Variants in TMUB2 observed in about 807,000 individuals in gnomAD.
TMUB2 encodes the protein transmembrane and ubiquitin like domain containing 2.
A neutral mutation model predicts 20.2 loss-of-function variants in TMUB2; 19 were observed. That is an observed-to-expected ratio of 0.94 (90% CI 0.66 to 1.38). The LOEUF (loss-of-function observed/expected upper bound fraction) is 1.38, where lower values mean the gene tolerates loss of function less well. TMUB2 is among the 40% of genes most tolerant of loss of function. TMUB2 has a pLI of 0.00. For missense variants in TMUB2, 426 were observed against 402.5 expected (o/e 1.06, Z -0.50); for synonymous variants, 186 against 166.0 (o/e 1.12, Z -0.92).
chr17:44,188,105 G>A, intron 2 of TMUB2: 1 of 232,616 alleles, frequency 4.3e-6, no homozygotes. Context: ...TGTGAAAGCA[G>A]CAGATTCTCC....
At position 44,191,490 on chromosome 17, in the gene TMUB2, CTCAG is replaced by C. The variant is rs2144420239; in HGVS notation, c.*631_*634del. Reference sequence around the variant, plus strand: ...ATTTTTTTAAGAGTCCTTCATAGAGCTCAGTCAGGAAGGGGATGGGGCACCAAGC... The same window carrying C: ...ATTTTTTTAAGAGTCCTTCATAGAGCTCAGGAAGGGGATGGGGCACCAAGC... On this transcript the variant is annotated 3_prime_UTR_variant, in exon 4 of 4. Coordinates refer to ENST00000538716, the MANE Select transcript of TMUB2 (RefSeq NM_001076674.3). 1 of 985,968 alleles carries C rather than the reference CTCAG, an allele frequency of 1.0e-6. No individual in the cohort carries two copies. The highest frequency in any genetic ancestry group is 6.1e-5 in the Admixed American group (1 of 16,302). The allele number at this position is 985,968 out of a possible 1,614,324, so 61.1% of individuals were successfully genotyped here.
chr17:44,187,546 T>C, intron 1 of TMUB2, 130 bp from the exon 2 acceptor site: 1 of 635,442 alleles, frequency 1.6e-6, no homozygotes. Context: ...TGCCAATCGT[T>C]TTCGTCTTTC....
Position 44,191,875 on chromosome 17 carries a change from G to A in TMUB2, c.*1011G>A, listed in dbSNP as rs2055657687. ...AGAGGGAATACACAGCGTTTACAAA[G>A]TTAGCTACCTGTACAGAATGGATTA... is the stretch of plus-strand genomic sequence containing the variant. On this transcript the variant is annotated 3_prime_UTR_variant, in exon 4 of 4. Transcript: ENST00000538716. 6.0e-6 allele frequency: 2 copies of A among 331,552 alleles called. No homozygotes were observed. The highest frequency in any genetic ancestry group is 1.2e-4 in the South Asian group (1 of 8,318). 20.5% of individuals were successfully genotyped at this position (331,552 alleles called of 1,614,324 possible).
chr17:44,187,603 C>T (rs1403315404), intron 1 of TMUB2, 73 bp from the exon 2 acceptor site: 3 of 704,908 alleles, frequency 4.3e-6, no homozygotes, highest in South Asian at 1.5e-5. Flanking sequence ...TAACATTAAC[C>T]TTCTTACCAT....
At chr17:44,190,243 C>G (rs530043734) in intron 3 of TMUB2, 1 of 365,360 alleles carries the variant, frequency 2.7e-6, no homozygotes, top group Non-Finnish European at 4.9e-6. Context: ...CCCAGCTACT[C>G]GGGAGGGTGA....
chr17:44,189,054 T>G lies in TMUB2; in HGVS notation c.68T>G (p.Leu23Arg), dbSNP rs757882080. ...VDPASSQAME[L>R]SDVTLIEGVG... ...CCTGCCAGCAGCCAGGCCATGGAGC[T>G]CTCTGATGTCACCCTCATTGAGGGT... Residue 23 changes from leucine to arginine, a missense_variant, in exon 3 of 4, where the codon CTC (leucine) becomes CGC (arginine). Coordinates refer to ENST00000538716, the MANE Select transcript of TMUB2 (RefSeq NM_001076674.3). 6.2e-7 allele frequency: 1 copy of G among 1,613,884 alleles called. No individual in the cohort carries two copies. Among genetic ancestry groups the G allele is most frequent in the Non-Finnish European group, 8.5e-7 (1 of 1,179,954 alleles).
In TMUB2 at chr17:44,191,410, A is replaced by C; in HGVS notation, c.*546A>C. On this transcript the variant is annotated 3_prime_UTR_variant, in exon 4 of 4. Coordinates refer to ENST00000538716, the MANE Select transcript of TMUB2 (RefSeq NM_001076674.3). ...CCTTCACCTTCTTCCTCTACCCCTT[A>C]GCAGGAATAGGGTGTCCTCCCTTCT... 1 of 986,888 alleles carries C rather than the reference A, an allele frequency of 1.0e-6. No homozygotes were observed. The highest frequency in any genetic ancestry group is 1.2e-6 in the Non-Finnish European group (1 of 830,648). 61.1% of individuals were successfully genotyped at this position (986,888 alleles called of 1,614,324 possible).
At position 44,190,981 on chromosome 17, in the gene TMUB2, TCTC is replaced by T. The variant is rs144005882; in HGVS notation, c.*122_*124del. ...AGGGGTGGAAAGGATGTGATGGAAATCTCCTCCATAGGACACAGGAGGCAAGTA... is the reference window on the plus strand; with the variant it reads ...AGGGGTGGAAAGGATGTGATGGAAATCTCCATAGGACACAGGAGGCAAGTA... On this transcript the variant is annotated 3_prime_UTR_variant, in exon 4 of 4. Coordinates refer to ENST00000538716, the MANE Select transcript of TMUB2 (RefSeq NM_001076674.3). 0.022 allele frequency: 33,162 copies of T among 1,502,236 alleles called. 429 individuals are homozygous for T. The highest frequency in any genetic ancestry group is 0.033 in the Middle Eastern group (137 of 4,098). 93.1% of individuals were successfully genotyped at this position (1,502,236 alleles called of 1,614,324 possible).
At position 44,189,601 on chromosome 17, in the gene TMUB2, GGAAGT is replaced by G. The variant is rs2055064002; in HGVS notation, c.602+15_602+19del. On this transcript the variant is annotated intron_variant, in intron 3 of 3. Coordinates refer to ENST00000538716, the MANE Select transcript of TMUB2 (RefSeq NM_001076674.3). ...GTGCCCTGAAGAGGTGAGTGGCCTGGGAAGTGGGAAGCTGCTTGTGCTCATCCCCC... is the reference window on the plus strand; with the variant it reads ...GTGCCCTGAAGAGGTGAGTGGCCTGGGGGAAGCTGCTTGTGCTCATCCCCC... The G allele has an allele frequency of 6.5e-7, 1 of 1,547,800 alleles. No homozygotes were observed. Among genetic ancestry groups the G allele is most frequent in the Admixed American group, 1.9e-5 (1 of 51,638 alleles).
rs367649898 is a variant in TMUB2, at chr17:44,187,255, A to T, written c.-34+146A>T. On this transcript the variant is annotated intron_variant, in intron 1 of 3. Transcript: ENST00000538716. The stretch of plus-strand genomic sequence containing the variant: ...GGACGGTTTGTGACCCCCTTAGCCG[A>T]CCCTACTCCTCACTGGCCGGGACAA... 323 of 166,760 alleles carry T rather than the reference A, an allele frequency of 1.9e-3. 1 individual carries two copies. Among genetic ancestry groups the T allele is most frequent in the African/African-American group, 7.5e-3 (312 of 41,664 alleles). The allele number at this position is 166,760 out of a possible 1,614,324, so 10.3% of individuals were successfully genotyped here. A position where few individuals can be genotyped will look rare whatever the true frequency, so the allele number is the denominator to read the frequency against.
Position 44,187,517 on chromosome 17 carries a change from C to T in TMUB2, c.-33-159C>T, listed in dbSNP as rs2054622140. ...TGGGGTCCTGCCGGGCCCCTCCCCA[C>T]GAGAGTTCCCTGTGTCTGTGCCAAT... On this transcript the variant is annotated intron_variant, in intron 1 of 3. Coordinates refer to ENST00000538716, the MANE Select transcript of TMUB2 (RefSeq NM_001076674.3). 1.2e-5 allele frequency: 7 copies of T among 608,162 alleles called. No homozygotes were observed. In the Admixed American group the frequency reaches 1.6e-4, roughly 14 times the overall value. The allele number at this position is 608,162 out of a possible 1,614,324, so 37.7% of individuals were successfully genotyped here. A position where few individuals can be genotyped will look rare whatever the true frequency, so the allele number is the denominator to read the frequency against.
chr17:44,191,112 C>T lies in TMUB2; in HGVS notation c.*248C>T. The T allele has an allele frequency of 8.0e-7, 1 of 1,242,742 alleles. No homozygotes were observed. The highest frequency in any genetic ancestry group is 2.0e-5 in the South Asian group (1 of 50,800). The allele number at this position is 1,242,742 out of a possible 1,614,324, so 77.0% of individuals were successfully genotyped here. ...CATCTTCCTTCACTTTTAGGGTCCTCTGAAGGAGTTCAAAGCTGCTGGCCA... is the reference window on the plus strand; with the variant it reads ...CATCTTCCTTCACTTTTAGGGTCCTTTGAAGGAGTTCAAAGCTGCTGGCCA... On this transcript the variant is annotated 3_prime_UTR_variant, in exon 4 of 4. Coordinates refer to ENST00000538716, the MANE Select transcript of TMUB2 (RefSeq NM_001076674.3).
chr17:44,190,639 A>T lies in TMUB2; in HGVS notation c.741A>T (p.Ser247=), dbSNP rs58236343. ...ACTGCCACCGCTCACCCCCAGGGTC[A>T]GCTGTTCCAGGCCCCTCAGCCTCCT... ...VIHCHRSPPG[S]AVPGPSASLA... Residue 247 remains serine, a synonymous_variant, in exon 4 of 4, where the codon TCA becomes TCT. Transcript: ENST00000538716. The T allele has an allele frequency of 3.6e-3, 5,844 of 1,614,190 alleles. 196 individuals are homozygous for T. In the African/African-American group the frequency reaches 0.069, roughly 19 times the overall value.
intron 1 of TMUB2, 69 bp downstream of exon 1, chr17:44,187,178 C>T (rs984180024): frequency 6.4e-6 from 1 of 156,558 alleles, no homozygotes; most frequent in Non-Finnish European, 1.4e-5. Flanking sequence ...CTCCTCGCGT[C>T]CTGAAGCCCC....
Position 44,190,916 on chromosome 17 carries a change from A to T in TMUB2, c.*52A>T. The T allele has an allele frequency of 6.5e-7, 1 of 1,540,114 alleles. No homozygotes were observed. Among genetic ancestry groups the T allele is most frequent in the Non-Finnish European group, 8.7e-7 (1 of 1,145,618 alleles). Reference sequence around the variant, plus strand: ...GGTCTTTCTCCTTTACGGCCTCCCCACTTTTCCTGGCCAGAGCTGGGCCCA... The same window carrying T: ...GGTCTTTCTCCTTTACGGCCTCCCCTCTTTTCCTGGCCAGAGCTGGGCCCA... On this transcript the variant is annotated 3_prime_UTR_variant, in exon 4 of 4. Coordinates refer to ENST00000538716, the MANE Select transcript of TMUB2 (RefSeq NM_001076674.3).
In TMUB2 at chr17:44,187,715, T is replaced by C; in HGVS notation, c.7T>C (p.Ser3Pro). 1 of 718,652 alleles carries C rather than the reference T, an allele frequency of 1.4e-6. No homozygotes were observed. Among genetic ancestry groups the C allele is most frequent in the East Asian group, 2.7e-5 (1 of 37,298 alleles). 44.5% of individuals were successfully genotyped at this position (718,652 alleles called of 1,614,324 possible). A position where few individuals can be genotyped will look rare whatever the true frequency, so the allele number is the denominator to read the frequency against. Residue 3 changes from serine to proline, a missense_variant, in exon 2 of 4, where the codon TCA becomes CCA. Physicochemically the swap from Ser to Pro is moderately conservative, Grantham distance 74 (BLOSUM62 -1). Coordinates refer to ENST00000538716, the MANE Select transcript of TMUB2 (RefSeq NM_001076674.3). MI[S>P]RHLQNNLMSV... ...TGCCAAGTATTTTGCTTCGATGATT[T>C]CACGTCATCTTCAAAACAACCTCAT... is the stretch of plus-strand genomic sequence containing the variant.
intron 3 of TMUB2, chr17:44,189,814 C>G: frequency 2.3e-6 from 1 of 442,972 alleles, no homozygotes; most frequent in Non-Finnish European, 4.0e-6. Flanking sequence ...AGTTCGAGAC[C>G]AGCCTGACCA....
In TMUB2 at chr17:44,189,549, C is replaced by A; in HGVS notation, c.563C>A (p.Ala188Asp). 6.2e-7 allele frequency: 1 copy of A among 1,611,362 alleles called. No individual in the cohort carries two copies. The highest frequency in any genetic ancestry group is 8.5e-7 in the Non-Finnish European group (1 of 1,178,570). ...LKFLNDTEEL[A>D]VARPEDTVGA... is the part of the protein sequence containing the mutation. ...TTCCTCAATGATACCGAGGAGCTGGCTGTGGCTAGGCCAGAGGATACCGTG... is the reference window on the plus strand; with the variant it reads ...TTCCTCAATGATACCGAGGAGCTGGATGTGGCTAGGCCAGAGGATACCGTG... Residue 188 changes from alanine (A) to aspartate (D), a missense_variant, in exon 3 of 4, where the codon GCT (alanine) becomes GAT (aspartate). By Grantham distance (126) the Ala-to-Asp change is moderately radical. Coordinates refer to ENST00000538716, the MANE Select transcript of TMUB2 (RefSeq NM_001076674.3).
Position 44,191,556 on chromosome 17 carries a change from G to C in TMUB2, c.*692G>C. 1 of 986,096 alleles carries C rather than the reference G, an allele frequency of 1.0e-6. No homozygotes were observed. The highest frequency in any genetic ancestry group is 4.7e-5 in the South Asian group (1 of 21,296). The allele number at this position is 986,096 out of a possible 1,614,324, so 61.1% of individuals were successfully genotyped here. A position where few individuals can be genotyped will look rare whatever the true frequency, so the allele number is the denominator to read the frequency against. On this transcript the variant is annotated 3_prime_UTR_variant, in exon 4 of 4. Transcript: ENST00000538716. ...CATTGGGAGCGGCCAGGCCACAGCT[G>C]CTGCTCCCGTAGTCCTCAGGCTGTA...
Sources: allele counts gnomAD v4.1 joint callset, GRCh38; gene constraint gnomAD v4.1.1; transcripts MANE v1.5; gene names NCBI Gene and HGNC (gene_info 2026-07-23, HGNC 2026-07-21).